The following PPIE variants were observed in gnomAD, a reference collection of about 807,000 sequenced individuals.
PPIE encodes peptidylprolyl isomerase E.
Under a neutral mutation model 38.4 loss-of-function variants are expected in PPIE, and 20 were observed. That is an observed-to-expected ratio of 0.52 (90% CI 0.37 to 0.76). The LOEUF (loss-of-function observed/expected upper bound fraction) is 0.76. Ranked by LOEUF, PPIE falls within the 30% of genes least tolerant of loss-of-function variation. The pLI is 0.00. For synonymous variants in PPIE, 142 were observed against 135.7 expected (o/e 1.05, Z -0.32); for missense variants, 322 against 385.8 (o/e 0.83, Z 1.39).
chr1:39,743,989 A>G, intron 6 of PPIE, 65 bp downstream of exon 6: 2 of 1,113,964 alleles, frequency 1.8e-6, no homozygotes, highest in Non-Finnish European at 2.6e-6. Flanking sequence ...TTTTTTTTTT[A>G]AGTTTTAATG....
chr1:39,762,424 G>C, intron 9 of PPIE: 1 of 1,438,054 alleles, frequency 7.0e-7, no homozygotes, highest in East Asian at 2.5e-5. Context: ...AGTTCTAGAA[G>C]GAAGCCTCGG....
rs11809873 is a variant in PPIE, at chr1:39,740,187, C to T, written c.54C>T (p.Asp18=). 4.5e-4 allele frequency: 730 copies of T among 1,614,050 alleles called. 3 individuals are homozygous for T. The African/African-American group carries it at 8.7e-3, about 19-fold the overall frequency. The change falls in exon 2 of 10, where the codon GAC becomes GAT. Residue 18 remains aspartate, a synonymous_variant. Coordinates refer to ENST00000324379, the MANE Select transcript of PPIE (RefSeq NM_006112.4). ...LYVGGLAEEV[D]DKVLHAAFIP... ...CAGGTGGACTGGCAGAGGAAGTGGA[C>T]GACAAAGTTCTTCATGCTGCGTTCA...
chr1:39,763,227 T>G, intron 9 of PPIE: 4 of 1,581,908 alleles, frequency 2.5e-6, no homozygotes, highest in South Asian at 1.1e-5. Flanking sequence ...AGAAGGTGAG[T>G]CCCATCCATG....
At chr1:39,745,285 G>A (rs900525883) in intron 6 of PPIE, 90 bp from the exon 7 acceptor site, 51 of 1,554,610 alleles carry the variant, frequency 3.3e-5, no homozygotes, top group Non-Finnish European at 3.4e-5. Context: ...ACGCACTGGA[G>A]TTGTGTTCTG....
Position 39,741,349 on chromosome 1 carries a change from G to C in PPIE, c.131-17G>C. 3.1e-6 allele frequency: 5 copies of C among 1,613,312 alleles called. No individual in the cohort carries two copies. The highest frequency in any genetic ancestry group is 4.2e-6 in the Non-Finnish European group (5 of 1,179,398). Reference sequence around the variant, plus strand: ...CCCCACATAGTAATTACTTGTTTTTGTTTTTCCATTTTGTAGAAAAGCACC... The same window carrying C: ...CCCCACATAGTAATTACTTGTTTTTCTTTTTCCATTTTGTAGAAAAGCACC... On this transcript the variant is annotated splice_polypyrimidine_tract_variant and intron_variant, in intron 2 of 9. Coordinates refer to ENST00000324379, the MANE Select transcript of PPIE (RefSeq NM_006112.4).
chr1:39,748,040 C>G (rs946449310), intron 7 of PPIE: 4 of 152,104 alleles, frequency 2.6e-5, no homozygotes, highest in African/African-American at 9.7e-5. Context: ...TCCAGTGATC[C>G]TCCTGCCTTG....
intron 9 of PPIE, among the ~76,000 whole-genome samples, chr1:39,762,072 G>A (rs569083356): frequency 2.0e-5 from 3 of 152,184 alleles, no homozygotes; most frequent in Non-Finnish European, 4.4e-5. Flanking sequence ...CGCCCCACGC[G>A]TCCTCATCAT....
intron 7 of PPIE, chr1:39,747,769 ATCT>A (rs1166909892): frequency 6.6e-6 from 1 of 152,074 alleles, no homozygotes; most frequent in African/African-American, 2.4e-5. Context: ...CCTGGCCCAC[ATCT>A]TCTCTTAACA....
chr1:39,752,942 A>G lies in PPIE; in HGVS notation c.727A>G (p.Thr243Ala). The G allele has an allele frequency of 6.2e-7, 1 of 1,614,064 alleles. No homozygotes were observed. ...ATCCATGGCCAACTCTGGCCCAAAC[A>G]CCAATGGCTCTCAGTTCTTCCTGAC... ...LLSMANSGPN[T>A]NGSQFFLTCD... The change falls in exon 9 of 10, where the codon ACC (threonine) becomes GCC (alanine). Residue 243 changes from threonine to alanine, a missense_variant. Transcript: ENST00000324379.
chr1:39,743,364 C>A, intron 5 of PPIE, 67 bp downstream of exon 5: 1 of 1,408,850 alleles, frequency 7.1e-7, no homozygotes, highest in Non-Finnish European at 1.0e-6. Flanking sequence ...CATTTTTTGT[C>A]TCTATTTACT....
At position 39,743,873 on chromosome 1, in the gene PPIE, A is replaced by C; in HGVS notation, c.333A>C (p.Glu111Asp). The change falls in exon 6 of 10, where the codon GAA becomes GAC. Residue 111 changes from glutamate (E) to aspartate (D), a missense_variant. Glu to Asp is a conservative substitution (Grantham distance 45). Transcript: ENST00000324379. ...AGAAGTTTTCTGGGAAGACGCTTGA[A>C]GAGAATAAAGAGGAAGAAGGGTCAG... The part of the protein sequence containing the change: ...WLKKFSGKTL[E>D]ENKEEEGSEP... 1.2e-6 allele frequency: 2 copies of C among 1,614,010 alleles called. No homozygotes were observed. The highest frequency in any genetic ancestry group is 1.7e-6 in the Non-Finnish European group (2 of 1,179,952).
chr1:39,742,197 AATTG>A (rs1327000673), intron 4 of PPIE: 2 of 409,860 alleles, frequency 4.9e-6, no homozygotes, highest in African/African-American at 4.1e-5. Context: ...ACACAGTGCA[AATTG>A]ATTGCACGGT....
chr1:39,741,590 CAT>C, intron 3 of PPIE, 181 bp downstream of exon 3: 1 of 676,830 alleles, frequency 1.5e-6, no homozygotes, highest in Non-Finnish European at 2.5e-6. Flanking sequence ...CTGTGAATAA[CAT>C]GTCAGACCTG....
rs762837978 is a variant in PPIE at position 39,752,864 on chromosome 1, G to T, written c.695-46G>T. On this transcript the variant is annotated intron_variant, in intron 8 of 9. Transcript: ENST00000324379. Reference sequence around the variant, plus strand: ...CAGCCTGCACAGACGTCCTTTAAGGGCTGGTAGCCAGGGTTCGGGGAGCTG... The same window carrying T: ...CAGCCTGCACAGACGTCCTTTAAGGTCTGGTAGCCAGGGTTCGGGGAGCTG... 1.1e-5 allele frequency: 17 copies of T among 1,589,696 alleles called. No individual in the cohort carries two copies. The Admixed American group carries it at 2.9e-4, about 27-fold the overall frequency.
rs1307086271 is a variant in PPIE, at chr1:39,754,613, C to G, written c.*1258C>G. ...TGGTGGCTCATGCCTATAATTCCAC[C>G]ACTATTGGGAGGCTGAGGCAGGAGG... On this transcript the variant is annotated 3_prime_UTR_variant, in exon 10 of 10. Transcript: ENST00000324379. Among the ~76,000 whole-genome samples, 2 of 152,130 alleles carry G rather than the reference C, an allele frequency of 1.3e-5. No homozygotes were observed. The highest frequency in any genetic ancestry group is 2.9e-5 in the Non-Finnish European group (2 of 68,018).
At position 39,756,433 on chromosome 1, in the gene PPIE, G is replaced by A. The variant is rs1648278593; in HGVS notation, c.*3078G>A. On this transcript the variant is annotated 3_prime_UTR_variant, in exon 10 of 10. Transcript: ENST00000324379. ...TGGCCCTGAAACGGTTACAAAGGCT[G>A]AAACCAGGGATGGCAGGCCCAGGAT... The A allele has an allele frequency of 1.0e-6, 1 of 985,308 alleles. No individual in the cohort carries two copies. 61.0% of individuals were successfully genotyped at this position (985,308 alleles called of 1,614,324 possible). A position where few individuals can be genotyped will look rare whatever the true frequency, so the allele number is the denominator to read the frequency against.
At chr1:39,741,551 G>A (rs1360646237) in intron 3 of PPIE, 142 bp downstream of exon 3, 1 of 862,392 alleles carries the variant, frequency 1.2e-6, no homozygotes, top group Non-Finnish European at 1.9e-6. Flanking sequence ...CTGTTCTAAG[G>A]AAAGCGTCTC....
downstream of PPIE, chr1:39,760,419 T>C: frequency 6.2e-7 from 1 of 1,613,722 alleles, no homozygotes; most frequent in Non-Finnish European, 8.5e-7. Context: ...GCGGGTGGAC[T>C]CAGTGGCAGC....
chr1:39,740,251 G>A lies in PPIE; in HGVS notation c.118G>A (p.Asp40Asn), dbSNP rs780742850. ...CATCACAGATATTCAGATTCCTCTGGATTATGAAACAGGTGAGTTAGTGTC... is the reference window on the plus strand; with the variant it reads ...CATCACAGATATTCAGATTCCTCTGAATTATGAAACAGGTGAGTTAGTGTC... ...GDITDIQIPL[D>N]YETEKHRGFA... Residue 40 changes from aspartate to asparagine, a missense_variant, in exon 2 of 10, where the codon GAT (aspartate) becomes AAT (asparagine). Physicochemically the swap from Asp to Asn is conservative, Grantham distance 23. Coordinates refer to ENST00000324379, the MANE Select transcript of PPIE (RefSeq NM_006112.4). 6.2e-7 allele frequency: 1 copy of A among 1,613,660 alleles called. No homozygotes were observed. Among genetic ancestry groups the A allele is most frequent in the Non-Finnish European group, 8.5e-7 (1 of 1,179,596 alleles).
Sources: allele counts gnomAD v4.1 joint callset (sites outside exome capture counted in the v4.1 genomes callset), GRCh38; gene constraint gnomAD v4.1.1; transcripts MANE v1.5; gene names NCBI Gene and HGNC (gene_info 2026-07-23, HGNC 2026-07-21).